Variants in SMARCAL1 observed in about 807,000 individuals in gnomAD.
The protein encoded by SMARCAL1 is ATP-driven annealing helicase.
A neutral mutation model predicts 94.5 loss-of-function variants in SMARCAL1; 58 were observed. The observed-to-expected ratio is 0.61, with a 90% CI of 0.50 to 0.76. SMARCAL1 has a LOEUF of 0.76. Ranked by LOEUF, SMARCAL1 falls within the 30% of genes least tolerant of loss-of-function variation. The probability of loss-of-function intolerance (pLI) is 0.00; values close to 1 mark genes in which losing one functional copy is unlikely to be tolerated. For synonymous variants in SMARCAL1, 422 were observed against 455.1 expected, an observed-to-expected ratio of 0.93 and a Z score of 0.93; for missense variants, 1,051 against 1,177.9, an observed-to-expected ratio of 0.89 and a Z score of 1.58.
intron 7 of SMARCAL1, among the ~76,000 whole-genome samples, chr2:216,429,977 T>C (rs920298434): frequency 6.6e-6 from 1 of 152,144 alleles, no homozygotes; most frequent in African/African-American, 2.4e-5. Flanking sequence ...TGGGCCTCTT[T>C]ATTAAAGCTG....
At chr2:216,431,516 T>C (rs781322850) in intron 7 of SMARCAL1, among the ~76,000 whole-genome samples, 1 of 152,200 alleles carries the variant, frequency 6.6e-6, no homozygotes, top group Non-Finnish European at 1.5e-5. Context: ...TTTTGTGGAA[T>C]AGTAGTTATG....
intron 12 of SMARCAL1, among the ~76,000 whole-genome samples, chr2:216,458,364 T>G (rs975473871): frequency 6.6e-6 from 1 of 152,178 alleles, no homozygotes; most frequent in East Asian, 1.9e-4. Context: ...TACCAAAGCC[T>G]GGCAGAGACA....
chr2:216,452,133 G>A (rs1396163376), intron 12 of SMARCAL1, among the ~76,000 whole-genome samples: 2 of 152,200 alleles, frequency 1.3e-5, no homozygotes, highest in Admixed American at 1.3e-4. Context: ...GAGTAAGTGA[G>A]CAGGCATCAT....
intron 3 of SMARCAL1, chr2:216,415,886 T>TAG: frequency 2.6e-6 from 1 of 380,670 alleles, no homozygotes; most frequent in East Asian, 5.9e-5. Context: ...ACAGGCCCAG[T>TAG]TTCATTGGTC....
chr2:216,415,993 T>A, intron 3 of SMARCAL1: 2 of 451,960 alleles, frequency 4.4e-6, no homozygotes, highest in Non-Finnish European at 8.2e-6. Flanking sequence ...CTGGAGAACT[T>A]GGATTCTAGT....
At chr2:216,477,815 C>T in intron 16 of SMARCAL1, among the ~76,000 whole-genome samples, 1 of 152,130 alleles carries the variant, frequency 6.6e-6, no homozygotes, top group East Asian at 1.9e-4. Flanking sequence ...CACTGCTTGT[C>T]TCTGTTTCCA....
At chr2:216,426,777 C>T (rs896922702) in intron 6 of SMARCAL1, among the ~76,000 whole-genome samples, 1 of 152,184 alleles carries the variant, frequency 6.6e-6, no homozygotes, top group Non-Finnish European at 1.5e-5. Flanking sequence ...CTGATTTCTC[C>T]GCCAGTACTG....
Position 216,416,264 on chromosome 2 carries a change from C to T in SMARCAL1, c.819C>T (p.Asp273=), listed in dbSNP as rs745309476. 6 of 1,613,598 alleles carry T rather than the reference C, an allele frequency of 3.7e-6. No homozygotes were observed. The highest frequency in any genetic ancestry group is 5.1e-6 in the Non-Finnish European group (6 of 1,179,604). The part of the protein sequence containing the change: ...KTLPSKNYDP[D]TKTWNFSMND... ...TCCTCTGTTTTGTTTCAGATCCTGACACCAAGACGTGGAACTTCAGCATGA... is the reference window on the plus strand; with the variant it reads ...TCCTCTGTTTTGTTTCAGATCCTGATACCAAGACGTGGAACTTCAGCATGA... The change falls in exon 4 of 18, where the codon GAC becomes GAT. Residue 273 remains aspartate (D), a synonymous_variant. Coordinates refer to ENST00000357276, the MANE Select transcript of SMARCAL1 (RefSeq NM_014140.4).
Position 216,414,659 on chromosome 2 carries a change from T to G in SMARCAL1, c.-46T>G, listed in dbSNP as rs1693545551. On this transcript the variant is annotated 5_prime_UTR_variant, in exon 3 of 18. Transcript: ENST00000357276. ...CTTTCTTCCACAGCTTTTGCCAACTTTCCAATTAAAGGTTGACATTCCTGC... is the reference window on the plus strand; with the variant it reads ...CTTTCTTCCACAGCTTTTGCCAACTGTCCAATTAAAGGTTGACATTCCTGC... 1 of 1,564,258 alleles carries G rather than the reference T, an allele frequency of 6.4e-7. No individual in the cohort carries two copies. The highest frequency in any genetic ancestry group is 1.1e-5 in the South Asian group (1 of 89,706).
At chr2:216,439,318 C>T (rs1414292139) in intron 10 of SMARCAL1, among the ~76,000 whole-genome samples, 2 of 77,028 alleles carry the variant, frequency 2.6e-5, no homozygotes, top group Non-Finnish European at 4.8e-5. Context: ...AAATTTCCTT[C>T]CATTATGGGG....
At chr2:216,423,567 G>A (rs1693769740) in intron 5 of SMARCAL1, 66 bp from the exon 6 acceptor site, 2 of 1,306,000 alleles carry the variant, frequency 1.5e-6, no homozygotes, top group East Asian at 2.3e-5. Context: ...GAATAAATGA[G>A]TAAGTGTGAT....
At chr2:216,419,172 A>G (rs1474078546) in intron 4 of SMARCAL1, among the ~76,000 whole-genome samples, 1 of 152,178 alleles carries the variant, frequency 6.6e-6, no homozygotes, top group Non-Finnish European at 1.5e-5. Context: ...ATAATTGCCA[A>G]ATTGTTTTCC....
Position 216,415,034 on chromosome 2 carries a change from C to A in SMARCAL1, c.330C>A (p.Gly110=), listed in dbSNP as rs1261083376. 3 of 1,614,070 alleles carry A rather than the reference C, an allele frequency of 1.9e-6. No individual in the cohort carries two copies. The African/African-American group carries it at 4.0e-5, about 22-fold the overall frequency. ...KPEEMPTACP[G]HSPRSQMALT... is the part of the protein sequence containing the mutation. ...AAGAAATGCCCACAGCCTGCCCAGG[C>A]CACAGTCCACGTAGTCAAATGGCTC... Residue 110 remains glycine, a synonymous_variant, in exon 3 of 18, where the codon GGC becomes GGA. Transcript: ENST00000357276.
At chr2:216,438,369 C>A (rs1694122344) in intron 9 of SMARCAL1, 51 bp from the exon 10 acceptor site, 1 of 1,497,208 alleles carries the variant, frequency 6.7e-7, no homozygotes, top group Non-Finnish European at 9.3e-7. Flanking sequence ...ACCCATATTT[C>A]TGTCCACTCA....
chr2:216,424,153 A>G (rs1036389694), intron 6 of SMARCAL1, among the ~76,000 whole-genome samples: 1 of 152,248 alleles, frequency 6.6e-6, no homozygotes, highest in Non-Finnish European at 1.5e-5. Context: ...TTGGGGCAGA[A>G]GTCAAGGCCA....
At chr2:216,440,878 C>T (rs1203733450) in intron 10 of SMARCAL1, among the ~76,000 whole-genome samples, 2 of 152,062 alleles carry the variant, frequency 1.3e-5, no homozygotes, top group South Asian at 2.1e-4. Flanking sequence ...TCATGACAAC[C>T]AAAATTGTCT....
At position 216,464,609 on chromosome 2, in the gene SMARCAL1, A is replaced by G; in HGVS notation, c.2083A>G (p.Lys695Glu). Residue 695 changes from lysine (K) to glutamate (E), a missense_variant, in exon 13 of 18, where the codon AAA becomes GAA. By Grantham distance (56) the Lys-to-Glu change is moderately conservative (BLOSUM62 1). Coordinates refer to ENST00000357276, the MANE Select transcript of SMARCAL1 (RefSeq NM_014140.4). ...TATCTTTCAACAGAAACAGCAGCAG[A>G]AAGATGCCCTCATTCTCTTCTTCAA... is the stretch of plus-strand genomic sequence containing the variant. ...TTKDKTKQQQ[K>E]DALILFFNRT... is the part of the protein sequence containing the mutation. 6.2e-7 allele frequency: 1 copy of G among 1,613,472 alleles called. No individual in the cohort carries two copies. The highest frequency in any genetic ancestry group is 8.5e-7 in the Non-Finnish European group (1 of 1,179,468).
intron 6 of SMARCAL1, 21 bp downstream of exon 6, chr2:216,423,704 G>C (rs974662300): frequency 2.5e-6 from 4 of 1,591,334 alleles, no homozygotes; most frequent in Admixed American, 1.7e-5. Flanking sequence ...TTCCTTACTT[G>C]TTTTATATCA....
intron 10 of SMARCAL1, among the ~76,000 whole-genome samples, chr2:216,442,443 AC>A (rs1276428742): frequency 6.6e-6 from 1 of 151,958 alleles, no homozygotes; most frequent in East Asian, 1.9e-4. Context: ...AAAAATTCAA[AC>A]AATACAAAAG....
Sources: gnomAD v4.1 joint callset for allele counts (sites outside exome capture counted in the v4.1 genomes callset) on GRCh38, gnomAD v4.1.1 for gene constraint, MANE v1.5 for transcripts, NCBI Gene and HGNC (gene_info 2026-07-23, HGNC 2026-07-21) for gene names.